The following PRELID2 variants were observed in gnomAD, a reference collection of about 807,000 sequenced individuals.
The protein encoded by PRELID2 is PRELI domain containing 2.
In PRELID2, 25 loss-of-function variants were observed where a neutral mutation model predicts 28.4. The observed-to-expected ratio is 0.88, with a 90% confidence interval of 0.64 to 1.23. The LOEUF (loss-of-function observed/expected upper bound fraction) is 1.23. PRELID2 is among the 50% of genes most tolerant of loss of function. The probability of loss-of-function intolerance (pLI) is 0.00; values close to 1 mark genes in which losing one functional copy is unlikely to be tolerated. For missense variants in PRELID2, 201 were observed against 214.4 expected (o/e 0.94, Z 0.39); for synonymous variants, 76 against 71.6 (o/e 1.06, Z -0.31).
intron 1 of PRELID2, among the ~76,000 whole-genome samples, chr5:145,655,813 G>A (rs920680844): frequency 6.6e-6 from 1 of 152,148 alleles, no homozygotes; most frequent in Non-Finnish European, 1.5e-5. Context: ...GAAAACCTAA[G>A]CAATACCATT....
intron 1 of PRELID2, among the ~76,000 whole-genome samples, chr5:145,606,793 A>T (rs1753510752): frequency 6.6e-6 from 1 of 152,096 alleles, no homozygotes. Flanking sequence ...ATTAGTGAGA[A>T]GTTGCTCCTT....
At chr5:145,573,489 C>T (rs947057697) in intron 1 of PRELID2, among the ~76,000 whole-genome samples, 5 of 152,006 alleles carry the variant, frequency 3.3e-5, no homozygotes, top group Non-Finnish European at 5.9e-5. Flanking sequence ...CTAATGCTCC[C>T]CCTCCCCTTT....
chr5:145,385,609 C>T, the PRELID2 span, among the ~76,000 whole-genome samples: 1 of 152,184 alleles, frequency 6.6e-6, no homozygotes, highest in Non-Finnish European at 1.5e-5. Context: ...TACTGTAACA[C>T]ATGGTAGTAA....
the PRELID2 span, among the ~76,000 whole-genome samples, chr5:145,276,911 G>A: frequency 3.4e-4 from 52 of 152,264 alleles, 1 homozygote; most frequent in African/African-American, 1.2e-3. Context: ...ACCAATGTGA[G>A]AGCTGAGGTT....
intron 2 of PRELID2, among the ~76,000 whole-genome samples, chr5:145,822,116 C>G (rs968928065): frequency 7.2e-5 from 11 of 152,198 alleles, no homozygotes; most frequent in African/African-American, 2.7e-4. Context: ...ACAGTAGCAT[C>G]TCATGATTCC....
the PRELID2 span, among the ~76,000 whole-genome samples, chr5:145,348,025 ATCT>A: frequency 6.6e-6 from 1 of 152,156 alleles, no homozygotes; most frequent in Non-Finnish European, 1.5e-5. Flanking sequence ...AGGCAGTAAC[ATCT>A]TCTAAAGAAC....
At chr5:145,566,718 T>C (rs1408413724) in intron 1 of PRELID2, among the ~76,000 whole-genome samples, 1 of 151,532 alleles carries the variant, frequency 6.6e-6, no homozygotes, top group Non-Finnish European at 1.5e-5. Flanking sequence ...TGTGCACCTG[T>C]AATCCCAGCT....
intron 1 of PRELID2, among the ~76,000 whole-genome samples, chr5:145,635,151 T>G (rs1440395340): frequency 6.6e-6 from 1 of 152,216 alleles, no homozygotes; most frequent in Non-Finnish European, 1.5e-5. Context: ...AGTATGGTGC[T>G]TCTACCTTCT....
At chr5:145,388,679 T>C in the PRELID2 span, among the ~76,000 whole-genome samples, 1 of 152,168 alleles carries the variant, frequency 6.6e-6, no homozygotes, top group Non-Finnish European at 1.5e-5. Flanking sequence ...CTTGGCTCAT[T>C]TCCATCTCAG....
chr5:145,348,081 C>T, the PRELID2 span, among the ~76,000 whole-genome samples: 1 of 152,072 alleles, frequency 6.6e-6, no homozygotes, highest in African/African-American at 2.4e-5. Flanking sequence ...GCAATTTATC[C>T]TGAGGTCCTC....
At chr5:145,670,331 C>G (rs1443322610) in intron 1 of PRELID2, among the ~76,000 whole-genome samples, 2 of 152,150 alleles carry the variant, frequency 1.3e-5, no homozygotes, top group Non-Finnish European at 2.9e-5. Flanking sequence ...TGAGAACTCA[C>G]CCAATCTTAT....
intron 5 of PRELID2, among the ~76,000 whole-genome samples, chr5:145,781,570 G>A (rs767153703): frequency 6.7e-6 from 1 of 148,396 alleles, no homozygotes; most frequent in Admixed American, 6.8e-5. Flanking sequence ...TTTTATATAT[G>A]TATGTGTGTG....
chr5:145,779,466 A>G (rs1375938093), intron 5 of PRELID2, among the ~76,000 whole-genome samples: 4 of 152,104 alleles, frequency 2.6e-5, no homozygotes, highest in Non-Finnish European at 5.9e-5. Flanking sequence ...TAACTATTTA[A>G]TGAAATATTA....
chr5:145,370,068 G>A, the PRELID2 span, among the ~76,000 whole-genome samples: 1 of 152,060 alleles, frequency 6.6e-6, no homozygotes, highest in East Asian at 1.9e-4. Context: ...CCATTCAGTA[G>A]TTGTCTGTTC....
At chr5:145,638,768 T>A (rs1754046176) in intron 1 of PRELID2, among the ~76,000 whole-genome samples, 1 of 152,262 alleles carries the variant, frequency 6.6e-6, no homozygotes. Flanking sequence ...TCTGGCATCA[T>A]CATTTGTAAA....
the PRELID2 span, among the ~76,000 whole-genome samples, chr5:145,279,304 C>T: frequency 2.0e-5 from 3 of 152,112 alleles, no homozygotes; most frequent in Admixed American, 6.6e-5. Context: ...CAAATTGGCT[C>T]AAAAATATGT....
intron 1 of PRELID2, among the ~76,000 whole-genome samples, chr5:145,686,161 C>T (rs1755034938): frequency 6.6e-6 from 1 of 152,186 alleles, no homozygotes; most frequent in Admixed American, 6.5e-5. Context: ...AAGTCTGTTA[C>T]ATGCCTTCCT....
rs372524802 is a variant in PRELID2, at chr5:145,731,963, G to T, written n.70+32968C>A. Among the ~76,000 whole-genome samples, 3 of 152,306 alleles carry T rather than the reference G, an allele frequency of 2.0e-5. No homozygotes were observed. The South Asian group carries it at 6.2e-4, about 32-fold the overall frequency. Reference sequence around the variant, plus strand: ...AAAAAGCTGCTATATATCACCTTCTGTGTTTTCCTCCTGGTAATGAGCTAT... The same window carrying T: ...AAAAAGCTGCTATATATCACCTTCTTTGTTTTCCTCCTGGTAATGAGCTAT... On this transcript the variant is annotated intron_variant and non_coding_transcript_variant, in intron 1 of 2. Transcript: ENST00000510259.
chr5:145,447,957 C>G, the PRELID2 span, among the ~76,000 whole-genome samples: 182 of 152,126 alleles, frequency 1.2e-3, 1 homozygote, highest in African/African-American at 4.2e-3. Context: ...TTTATAGCAG[C>G]AAGATTTATA....
Sources: allele counts gnomAD v4.1 joint callset (sites outside exome capture counted in the v4.1 genomes callset), GRCh38; gene constraint gnomAD v4.1.1; transcripts MANE v1.5; gene names NCBI Gene and HGNC (gene_info 2026-07-23, HGNC 2026-07-21).